RBM41: variants seen among roughly 807,000 people sequenced by gnomAD.
RBM41 encodes RNA binding motif protein 41, also known as RNA-binding protein 41.
A neutral mutation model predicts 30.8 loss-of-function variants in RBM41; 14 were observed. That is an observed-to-expected ratio of 0.45 (90% CI 0.30 to 0.71). The LOEUF is 0.71. Ranked by LOEUF, RBM41 falls within the 30% of genes least tolerant of loss-of-function variation. The probability of loss-of-function intolerance (pLI) is 0.08; values close to 1 mark genes in which losing one functional copy is unlikely to be tolerated. For synonymous variants in RBM41, 120 were observed against 110.1 expected (o/e 1.09, Z -0.56); for missense variants, 276 against 326.3 (o/e 0.85, Z 1.19).
chrX:107,078,510 T>C (rs181374309), intron 6 of RBM41, among the ~76,000 whole-genome samples: 12 of 112,321 alleles, frequency 1.1e-4, no homozygotes, highest in African/African-American at 3.9e-4. Context: ...GCACAAATTG[T>C]TCCAGCTATA....
In RBM41 at chrX:107,076,316, C is replaced by CAAATAAAT. The variant is rs55848548; in HGVS notation, c.1000-6922_1000-6915dup. ...CAGACGACAGTGCCAGACTCCGTCT[C>CAAATAAAT]AAATAAATAAATAAATAAATAAATA... On this transcript the variant is annotated intron_variant, in intron 6 of 7. Coordinates refer to ENST00000685964, the MANE Select transcript of RBM41 (RefSeq NM_001324242.2). 9.8e-3 allele frequency among the ~76,000 whole-genome samples: 905 copies of CAAATAAAT among 92,747 alleles called. 5 individuals are homozygous for CAAATAAAT. The highest frequency in any genetic ancestry group is 0.021 in the East Asian group (62 of 2,886). The allele number at this position is 92,747 out of a possible 115,157, so 80.5% of individuals were successfully genotyped here. A position where few individuals can be genotyped will look rare whatever the true frequency, so the allele number is the denominator to read the frequency against.
intron 1 of RBM41, among the ~76,000 whole-genome samples, chrX:107,118,472 C>G (rs1925076106): frequency 9.0e-6 from 1 of 111,065 alleles, no homozygotes; most frequent in Admixed American, 9.5e-5. Context: ...ACCCTTTTGC[C>G]CAGCTGGGTC....
chrX:107,062,630 A>T lies in RBM41; in HGVS notation c.*4897T>A, dbSNP rs182968805. 8.2e-3 allele frequency among the ~76,000 whole-genome samples: 894 copies of T among 108,616 alleles called. 5 individuals are homozygous for T. Among genetic ancestry groups the T allele is most frequent in the Non-Finnish European group, 0.014 (749 of 52,848 alleles). 94.3% of individuals were successfully genotyped at this position (108,616 alleles called of 115,157 possible). A position where few individuals can be genotyped will look rare whatever the true frequency, so the allele number is the denominator to read the frequency against. On this transcript the variant is annotated 3_prime_UTR_variant, in exon 8 of 8. Transcript: ENST00000685964. ...CCATTGGCAGAATATTTTTTAAAAA[A>T]TTTTTTAGTTAAAAAAAAAAATGAA...
chrX:107,091,457 G>A (rs1369380808), intron 5 of RBM41, among the ~76,000 whole-genome samples: 1 of 111,574 alleles, frequency 9.0e-6, no homozygotes, highest in Admixed American at 9.5e-5. Flanking sequence ...TTTATCATTA[G>A]GCTCATTTGC....
At chrX:107,086,054 G>T (rs1386176450) in intron 6 of RBM41, among the ~76,000 whole-genome samples, 1 of 111,768 alleles carries the variant, frequency 8.9e-6, no homozygotes, top group African/African-American at 3.2e-5. Flanking sequence ...GTAACTCACA[G>T]AAAGTTCCTG....
chrX:107,105,548 T>C lies in RBM41; in HGVS notation c.595+7849A>G, dbSNP rs754664732. ...AAGTTCATATGGAACCAAAAAAGAG[T>C]CCGCATTGCCAAGTCAATCCTAAGC... On this transcript the variant is annotated intron_variant, in intron 5 of 7. Transcript: ENST00000685964. Among the ~76,000 whole-genome samples the C allele has an allele frequency of 2.4e-3, 268 of 109,835 alleles. 2 individuals carry two copies. Among genetic ancestry groups the C allele is most frequent in the African/African-American group, 8.5e-3 (255 of 30,165 alleles).
intron 6 of RBM41, among the ~76,000 whole-genome samples, chrX:107,077,162 G>A (rs763339387): frequency 9.9e-5 from 11 of 111,441 alleles, no homozygotes; most frequent in African/African-American, 2.3e-4. Flanking sequence ...ACAGAGTTTC[G>A]CTCTTGTTGC....
At chrX:107,068,674 T>C (rs979778278) in intron 7 of RBM41, among the ~76,000 whole-genome samples, 7 of 111,444 alleles carry the variant, frequency 6.3e-5, no homozygotes, top group Non-Finnish European at 9.4e-5. Context: ...ATGACGATAC[T>C]TTAGGGACAA....
intron 6 of RBM41, chrX:107,070,373 A>G: frequency 3.0e-6 from 1 of 328,091 alleles, no homozygotes; most frequent in Middle Eastern, 4.4e-4. Flanking sequence ...GAACGCTGGT[A>G]GTACCCTCGT....
the RBM41 span, among the ~76,000 whole-genome samples, chrX:107,055,193 A>G: frequency 8.9e-6 from 1 of 112,784 alleles, no homozygotes; most frequent in East Asian, 2.8e-4. Flanking sequence ...TTCATGGCTG[A>G]GTAATATTCC....
intron 6 of RBM41, 65 bp downstream of exon 6, chrX:107,088,371 T>C: frequency 9.9e-7 from 1 of 1,005,816 alleles, no homozygotes; most frequent in Non-Finnish European, 1.4e-6. Flanking sequence ...TTAAAAGTAT[T>C]ACTTTAGGTA....
intron 5 of RBM41, among the ~76,000 whole-genome samples, chrX:107,108,939 TG>T (rs1924232187): frequency 8.9e-6 from 1 of 111,865 alleles, no homozygotes; most frequent in Non-Finnish European, 1.9e-5. Context: ...GAGATGTAAT[TG>T]GTATGACAAT....
chrX:107,075,468 C>A (rs946028671), intron 6 of RBM41, among the ~76,000 whole-genome samples: 1 of 111,583 alleles, frequency 9.0e-6, no homozygotes, highest in Non-Finnish European at 1.9e-5. Flanking sequence ...GAAAAGGCAA[C>A]CTATGGAGTA....
chrX:107,087,386 T>C (rs761197497), intron 6 of RBM41, among the ~76,000 whole-genome samples: 2 of 101,718 alleles, frequency 2.0e-5, no homozygotes, highest in African/African-American at 4.5e-5. Context: ...TCTAGAATGA[T>C]TTTTTTTTAA....
chrX:107,053,653 TG>T, the RBM41 span, among the ~76,000 whole-genome samples: 1 of 110,804 alleles, frequency 9.0e-6, no homozygotes, highest in Non-Finnish European at 1.9e-5. Context: ...CAGGCGAGTA[TG>T]GGTACGGAGG....
At chrX:107,103,048 G>C (rs774907884) in intron 5 of RBM41, among the ~76,000 whole-genome samples, 1 of 110,883 alleles carries the variant, frequency 9.0e-6, no homozygotes, top group South Asian at 3.9e-4. Context: ...ATGAGACTTA[G>C]GACTTTTTGA....
chrX:107,106,103 T>A (rs1488105779), intron 5 of RBM41, among the ~76,000 whole-genome samples: 1 of 111,347 alleles, frequency 9.0e-6, no homozygotes, highest in African/African-American at 3.3e-5. Context: ...GGGAGAAAAT[T>A]TTTGCAATCT....
At chrX:107,115,837 C>CA (rs202135355) in intron 3 of RBM41, 25 bp downstream of exon 3, 653 of 1,104,837 alleles carry the variant, frequency 5.9e-4, no homozygotes, top group South Asian at 1.3e-3. Context: ...GAAAAACCAA[C>CA]AAAAAAAAAC....
downstream of RBM41, among the ~76,000 whole-genome samples, chrX:107,058,751 A>G (rs151240246): frequency 3.3e-3 from 369 of 111,822 alleles, 2 homozygotes; most frequent in Non-Finnish European, 5.1e-3. Context: ...AGTAGCTTAT[A>G]AACAGAAATT....
Sources: allele counts gnomAD v4.1 joint callset (sites outside exome capture counted in the v4.1 genomes callset), GRCh38; gene constraint gnomAD v4.1.1; transcripts MANE v1.5; gene names NCBI Gene and HGNC (gene_info 2026-07-23, HGNC 2026-07-21).